The following HS3ST4 variants were observed in gnomAD, a reference collection of about 807,000 sequenced individuals.
The protein encoded by HS3ST4 is heparan sulfate glucosamine 3-O-sulfotransferase 4.
A neutral mutation model predicts 29.2 loss-of-function variants in HS3ST4; 17 were observed. The ratio of observed to expected loss-of-function variants is 0.58; its 90% CI spans 0.40 to 0.87. The LOEUF is 0.87. HS3ST4 is among the 40% of genes least tolerant of loss of function. The probability of loss-of-function intolerance (pLI) is 0.00; values close to 1 mark genes in which losing one functional copy is unlikely to be tolerated. For synonymous variants in HS3ST4, 314 were observed against 285.7 expected (o/e 1.10, Z -1.00); for missense variants, 627 against 634.5 (o/e 0.99, Z 0.13).
chr16:25,724,336 C>T (rs528269148), intron 1 of HS3ST4, among the ~76,000 whole-genome samples: 1 of 150,954 alleles, frequency 6.6e-6, no homozygotes, highest in South Asian at 2.1e-4. Context: ...TCACTAATGA[C>T]TATGTTTCCA....
chr16:25,933,915 C>G (rs1306585697), intron 1 of HS3ST4, among the ~76,000 whole-genome samples: 1 of 152,194 alleles, frequency 6.6e-6, no homozygotes, highest in Non-Finnish European at 1.5e-5. Context: ...CCCCATAACT[C>G]AAACACCAGG....
chr16:25,695,091 A>G (rs1369703522), intron 1 of HS3ST4, among the ~76,000 whole-genome samples: 1 of 152,150 alleles, frequency 6.6e-6, no homozygotes, highest in Non-Finnish European at 1.5e-5. Context: ...GTGGCTCCTG[A>G]TTATGTTATT....
intron 1 of HS3ST4, among the ~76,000 whole-genome samples, chr16:25,905,627 T>A (rs999511958): frequency 6.6e-5 from 10 of 152,064 alleles, no homozygotes; most frequent in African/African-American, 1.9e-4. Context: ...CTCAGTAGGA[T>A]TTGGTAGCCA....
chr16:25,804,548 G>T (rs1966971640), intron 1 of HS3ST4, among the ~76,000 whole-genome samples: 1 of 152,126 alleles, frequency 6.6e-6, no homozygotes, highest in South Asian at 2.1e-4. Context: ...AAAGCAGATG[G>T]TATCTAAAAT....
chr16:26,115,510 C>T (rs1899191497), intron 1 of HS3ST4, among the ~76,000 whole-genome samples: 1 of 151,916 alleles, frequency 6.6e-6, no homozygotes, highest in Non-Finnish European at 1.5e-5. Flanking sequence ...GCGGGAAACA[C>T]CTGTTCAGAG....
rs76314654 is a variant in HS3ST4, at chr16:25,751,161, C to T, written c.734+58010C>T. Among the ~76,000 whole-genome samples the T allele has an allele frequency of 2.8e-4, 42 of 152,268 alleles. No individual in the cohort carries two copies. The South Asian group carries it at 6.8e-3, about 25-fold the overall frequency. On this transcript the variant is annotated intron_variant, in intron 1 of 1. Coordinates refer to ENST00000331351, the MANE Select transcript of HS3ST4 (RefSeq NM_006040.3). ...ATGACCTTGCAGGAGAGAGCAGTTG[C>T]GCAGGTTCTGACCATGGCCCGGTTT...
chr16:25,773,976 C>T (rs1400409515), intron 1 of HS3ST4, among the ~76,000 whole-genome samples: 1 of 152,122 alleles, frequency 6.6e-6, no homozygotes, highest in Non-Finnish European at 1.5e-5. Flanking sequence ...AGACTTGTTG[C>T]AATTGGTTGT....
chr16:25,840,111 C>T (rs1408098094), intron 1 of HS3ST4, among the ~76,000 whole-genome samples: 3 of 152,216 alleles, frequency 2.0e-5, no homozygotes, highest in Non-Finnish European at 2.9e-5. Context: ...CACCATAAGG[C>T]ACCCTTGATC....
intron 1 of HS3ST4, among the ~76,000 whole-genome samples, chr16:25,920,578 A>C: frequency 6.8e-6 from 1 of 147,762 alleles, no homozygotes; most frequent in Non-Finnish European, 1.5e-5. Context: ...ACAAGTAGAA[A>C]TCCTTCCCCT....
At chr16:26,054,562 G>A (rs1176113038) in intron 1 of HS3ST4, among the ~76,000 whole-genome samples, 2 of 152,170 alleles carry the variant, frequency 1.3e-5, no homozygotes, top group East Asian at 3.8e-4. Flanking sequence ...AGAACAATTG[G>A]TCCGAAAACC....
chr16:25,910,807 G>T (rs1968230994), intron 1 of HS3ST4, among the ~76,000 whole-genome samples: 1 of 152,044 alleles, frequency 6.6e-6, no homozygotes, highest in African/African-American at 2.4e-5. Context: ...CTGTGTTATA[G>T]AATATTATTA....
chr16:25,896,430 A>G (rs1968066003), intron 1 of HS3ST4, among the ~76,000 whole-genome samples: 1 of 152,194 alleles, frequency 6.6e-6, no homozygotes, highest in African/African-American at 2.4e-5. Context: ...GAGAAATGCA[A>G]ATCAAAAGCG....
chr16:25,946,492 G>GCTATCATC (rs1480654245), intron 1 of HS3ST4, among the ~76,000 whole-genome samples: 1 of 152,152 alleles, frequency 6.6e-6, no homozygotes, highest in African/African-American at 2.4e-5. Flanking sequence ...TGCTATCTAA[G>GCTATCATC]CTATCATCCC....
intron 1 of HS3ST4, among the ~76,000 whole-genome samples, chr16:25,878,454 T>C (rs544224807): frequency 2.0e-4 from 31 of 152,204 alleles, no homozygotes; most frequent in African/African-American, 6.7e-4. Flanking sequence ...AAACTTACAA[T>C]GAAAAGCAAA....
chr16:26,044,865 G>T (rs1453692983), intron 1 of HS3ST4, among the ~76,000 whole-genome samples: 1 of 152,162 alleles, frequency 6.6e-6, no homozygotes, highest in African/African-American at 2.4e-5. Flanking sequence ...CTGGGACCGA[G>T]AGCTTTATTA....
At chr16:25,987,098 C>T (rs1458461900) in intron 1 of HS3ST4, among the ~76,000 whole-genome samples, 1 of 152,194 alleles carries the variant, frequency 6.6e-6, no homozygotes, top group Non-Finnish European at 1.5e-5. Context: ...CGCCTGTAAT[C>T]CCAGCACTTT....
chr16:25,937,610 G>A (rs1968529510), intron 1 of HS3ST4, among the ~76,000 whole-genome samples: 1 of 152,114 alleles, frequency 6.6e-6, no homozygotes, highest in Admixed American at 6.5e-5. Context: ...GGCGAGAGGT[G>A]CAGCTGGAGG....
At chr16:26,097,913 G>A (rs9888905) in intron 1 of HS3ST4, among the ~76,000 whole-genome samples, 92,248 of 152,018 alleles carry the variant, frequency 0.61, 28,691 homozygotes, top group African/African-American at 0.72. Context: ...CCCATCAAAA[G>A]GTAGGCAAAG....
intron 1 of HS3ST4, among the ~76,000 whole-genome samples, chr16:25,747,411 C>T (rs926289963): frequency 2.0e-5 from 3 of 152,352 alleles, no homozygotes; most frequent in African/African-American, 7.2e-5. Flanking sequence ...CCAAATGGTC[C>T]AGCCCTTTGG....
Sources: gnomAD v4.1 joint callset for allele counts (sites outside exome capture counted in the v4.1 genomes callset) on GRCh38, gnomAD v4.1.1 for gene constraint, MANE v1.5 for transcripts, NCBI Gene and HGNC (gene_info 2026-07-23, HGNC 2026-07-21) for gene names.